RAB3C: variants seen among roughly 807,000 people sequenced by gnomAD.
The protein encoded by RAB3C is RAB3C, member RAS oncogene family, also known as ras-related protein Rab-3C.
Under a neutral mutation model 26.4 loss-of-function variants are expected in RAB3C, and 17 were observed. That is an observed-to-expected ratio of 0.64 (90% CI 0.44 to 0.97). RAB3C has a LOEUF of 0.97. RAB3C is among the 50% of genes least tolerant of loss of function. RAB3C has a pLI of 0.00. For synonymous variants in RAB3C, 91 were observed against 95.9 expected (o/e 0.95, Z 0.30); for missense variants, 242 against 281.9 (o/e 0.86, Z 1.01).
At chr5:58,659,574 A>C (rs1021248338) in intron 2 of RAB3C, among the ~76,000 whole-genome samples, 2 of 152,232 alleles carry the variant, frequency 1.3e-5, no homozygotes, top group African/African-American at 4.8e-5. Context: ...AGTAAGTAGA[A>C]TATTCAGTTA....
chr5:58,664,222 G>T lies in RAB3C; in HGVS notation c.252+46352G>T, dbSNP rs575414782. Among the ~76,000 whole-genome samples, 31 of 152,224 alleles carry T rather than the reference G, an allele frequency of 2.0e-4. No individual in the cohort carries two copies. In the South Asian group the frequency reaches 5.2e-3, roughly 25 times the overall value. ...ATAGCTTCAAACTGGAAACAACCTA[G>T]ATTTCCTTCAATAGATGAATCATTA... On this transcript the variant is annotated intron_variant, in intron 2 of 4. Coordinates refer to ENST00000282878, the MANE Select transcript of RAB3C (RefSeq NM_138453.4).
At chr5:58,835,146 G>T (rs1170743768) in intron 4 of RAB3C, among the ~76,000 whole-genome samples, 1 of 152,044 alleles carries the variant, frequency 6.6e-6, no homozygotes, top group Non-Finnish European at 1.5e-5. Context: ...CTTCCTCTTT[G>T]TTTTTTATGC....
At chr5:58,714,626 A>T (rs151329418) in intron 2 of RAB3C, among the ~76,000 whole-genome samples, 387 of 152,234 alleles carry the variant, frequency 2.5e-3, no homozygotes, top group African/African-American at 7.6e-3. Flanking sequence ...AATATAAAAC[A>T]TTGTACAACA....
intron 2 of RAB3C, among the ~76,000 whole-genome samples, chr5:58,674,296 T>G (rs1357565957): frequency 6.6e-6 from 1 of 152,228 alleles, no homozygotes; most frequent in Non-Finnish European, 1.5e-5. Flanking sequence ...TTTCTCTCAC[T>G]CTTCAGGAAC....
intron 3 of RAB3C, among the ~76,000 whole-genome samples, chr5:58,797,339 C>CAAAA (rs1206716376): frequency 5.5e-4 from 7 of 12,750 alleles, no homozygotes; most frequent in Admixed American, 9.1e-4. Context: ...CCCTGGAAGA[C>CAAAA]AAAAAAAAAA....
At chr5:58,733,522 A>C (rs1237288608) in intron 3 of RAB3C, among the ~76,000 whole-genome samples, 1 of 152,206 alleles carries the variant, frequency 6.6e-6, no homozygotes, top group Non-Finnish European at 1.5e-5. Flanking sequence ...TGTAGAGGCA[A>C]AGGCAGCAAT....
At chr5:58,631,017 T>C (rs1415427855) in intron 2 of RAB3C, among the ~76,000 whole-genome samples, 1 of 152,232 alleles carries the variant, frequency 6.6e-6, no homozygotes, top group Admixed American at 6.5e-5. Context: ...AGTGCAGGTC[T>C]TGCAAATGAA....
chr5:58,596,662 ATAT>A (rs201925420), intron 1 of RAB3C, among the ~76,000 whole-genome samples: 22,682 of 59,168 alleles, frequency 0.38, 5,186 homozygotes, highest in Non-Finnish European at 0.46. Context: ...AATACATAAT[ATAT>A]TATATATAAA....
At chr5:58,596,577 A>G (rs1309732481) in intron 1 of RAB3C, among the ~76,000 whole-genome samples, 3 of 125,998 alleles carry the variant, frequency 2.4e-5, no homozygotes, top group Non-Finnish European at 4.7e-5. Flanking sequence ...ATAAATATAT[A>G]ATACTATATA....
chr5:58,809,016 G>A (rs140608339), intron 3 of RAB3C, among the ~76,000 whole-genome samples: 3 of 152,250 alleles, frequency 2.0e-5, no homozygotes, highest in Non-Finnish European at 4.4e-5. Context: ...TGATAATGTT[G>A]CTAGCTTCTC....
intron 2 of RAB3C, among the ~76,000 whole-genome samples, chr5:58,696,248 C>T (rs1253652927): frequency 6.6e-6 from 1 of 152,158 alleles, no homozygotes; most frequent in African/African-American, 2.4e-5. Context: ...TATGTTGAAC[C>T]AGCCTTGCAT....
chr5:58,745,527 A>G (rs1227284923), intron 3 of RAB3C, among the ~76,000 whole-genome samples: 1 of 151,204 alleles, frequency 6.6e-6, no homozygotes, highest in Non-Finnish European at 1.5e-5. Context: ...CCATTCTTCC[A>G]TCAGAACAAA....
chr5:58,623,099 G>A (rs780834197), intron 2 of RAB3C, among the ~76,000 whole-genome samples: 2 of 152,194 alleles, frequency 1.3e-5, no homozygotes, highest in Non-Finnish European at 2.9e-5. Context: ...CTGGCAGCAT[G>A]AGCACTTTGT....
At chr5:58,608,206 T>C (rs1746613581) in intron 1 of RAB3C, among the ~76,000 whole-genome samples, 1 of 152,122 alleles carries the variant, frequency 6.6e-6, no homozygotes, top group African/African-American at 2.4e-5. Flanking sequence ...TGCAGAGACA[T>C]GTGTAGGCTT....
At chr5:58,655,177 T>G (rs573128350) in intron 2 of RAB3C, among the ~76,000 whole-genome samples, 2 of 152,288 alleles carry the variant, frequency 1.3e-5, no homozygotes, top group South Asian at 2.1e-4. Flanking sequence ...ACTTAAGTTC[T>G]CATCATAATT....
chr5:58,677,554 CATTAT>C (rs1271132151), intron 2 of RAB3C, among the ~76,000 whole-genome samples: 5 of 152,012 alleles, frequency 3.3e-5, no homozygotes, highest in African/African-American at 1.2e-4. Context: ...GTGTTTTATC[CATTAT>C]ATTATTCTCT....
chr5:58,786,772 C>CA lies in RAB3C; in HGVS notation c.372-38255dup, dbSNP rs879385785. Among the ~76,000 whole-genome samples, 1,342 of 146,210 alleles carry CA rather than the reference C, an allele frequency of 9.2e-3. 10 individuals carry two copies. The highest frequency in any genetic ancestry group is 0.014 in the African/African-American group (580 of 40,136). ...AAGTAAAGAACATGATTCAGTTTGT[C>CA]AAAAAAAAAAATCTACTTATGTGTG... On this transcript the variant is annotated intron_variant, in intron 3 of 4. Transcript: ENST00000282878.
chr5:58,685,731 G>A (rs1748432360), intron 2 of RAB3C, among the ~76,000 whole-genome samples: 1 of 152,120 alleles, frequency 6.6e-6, no homozygotes. Flanking sequence ...CTATGAGCTA[G>A]GCATTCTTCT....
At chr5:58,678,713 C>G (rs887606570) in intron 2 of RAB3C, among the ~76,000 whole-genome samples, 1 of 152,166 alleles carries the variant, frequency 6.6e-6, no homozygotes, top group African/African-American at 2.4e-5. Flanking sequence ...CACCCATTCT[C>G]TATTTTCTCT....
Sources: gnomAD v4.1 joint callset for allele counts (sites outside exome capture counted in the v4.1 genomes callset) on GRCh38, gnomAD v4.1.1 for gene constraint, MANE v1.5 for transcripts, NCBI Gene and HGNC (gene_info 2026-07-23, HGNC 2026-07-21) for gene names.